Variants in GNAS-AS1 observed in about 807,000 individuals in gnomAD.
The protein encoded by GNAS-AS1 is GNAS antisense RNA 1 (non-protein coding).
Position 58,841,598 on chromosome 20 carries a change from G to T in GNAS-AS1, n.819+339C>A. On this transcript the variant is annotated intron_variant and non_coding_transcript_variant, in intron 4 of 4. Transcript: ENST00000424094. The surrounding 1 kb of genome is among the most constrained non-coding windows in gnomAD (Gnocchi z 5.0). ...CTCGCGGGACAGAGACCGCCTCAAA[G>T]AGCGTGCGCACCTGCCCGCGCGCGC... 1 of 1,025,444 alleles carries T rather than the reference G, an allele frequency of 9.8e-7. No homozygotes were observed. Among genetic ancestry groups the T allele is most frequent in the East Asian group, 8.3e-5 (1 of 12,086 alleles). The allele number at this position is 1,025,444 out of a possible 1,614,324, so 63.5% of individuals were successfully genotyped here. A position where few individuals can be genotyped will look rare whatever the true frequency, so the allele number is the denominator to read the frequency against.
intron 4 of GNAS-AS1, among the ~76,000 whole-genome samples, chr20:58,835,564 T>C (rs1010185569): frequency 6.6e-6 from 1 of 152,206 alleles, no homozygotes; most frequent in Non-Finnish European, 1.5e-5. Flanking sequence ...CAAGATGAAC[T>C]GTACCTCTGA....
chr20:58,824,074 C>T, intron 4 of GNAS-AS1: 1 of 398,662 alleles, frequency 2.5e-6, no homozygotes, highest in East Asian at 3.6e-5. Flanking sequence ...TCAACATATC[C>T]TAAAAGAACC....
intron 4 of GNAS-AS1, among the ~76,000 whole-genome samples, chr20:58,825,699 T>A (rs1256808265): frequency 6.6e-6 from 1 of 152,164 alleles, no homozygotes; most frequent in East Asian, 1.9e-4. Context: ...GGAATTTTTG[T>A]TCTAATTTCT....
chr20:58,824,680 C>T (rs1334243907), intron 4 of GNAS-AS1, among the ~76,000 whole-genome samples: 1 of 152,222 alleles, frequency 6.6e-6, no homozygotes, highest in Non-Finnish European at 1.5e-5. Flanking sequence ...GAATGTCCTT[C>T]TCCCACTCCT....
At chr20:58,822,600 C>G (rs1266754253) in intron 4 of GNAS-AS1, among the ~76,000 whole-genome samples, 1 of 152,178 alleles carries the variant, frequency 6.6e-6, no homozygotes, top group Non-Finnish European at 1.5e-5. Context: ...TGAGAGCAGG[C>G]CTGGAGAGCA....
chr20:58,830,275 C>A (rs2085548107), intron 4 of GNAS-AS1, among the ~76,000 whole-genome samples: 2 of 148,048 alleles, frequency 1.4e-5, no homozygotes, highest in Non-Finnish European at 3.0e-5. Context: ...ATCACCACCA[C>A]CGCCACACCA....
chr20:58,845,887 C>A (rs189268123), intron 2 of GNAS-AS1, among the ~76,000 whole-genome samples: 1 of 152,178 alleles, frequency 6.6e-6, no homozygotes, highest in Non-Finnish European at 1.5e-5. Flanking sequence ...CAACTATTCC[C>A]GGGTAGAAAT....
At chr20:58,826,012 C>T in intron 4 of GNAS-AS1, 1 of 398,614 alleles carries the variant, frequency 2.5e-6, no homozygotes, top group East Asian at 3.6e-5. Context: ...CCTGAGCTTG[C>T]TCTTTTGCTT....
chr20:58,841,613 C>T lies in GNAS-AS1; in HGVS notation n.819+324G>A. 1 of 1,045,070 alleles carries T rather than the reference C, an allele frequency of 9.6e-7. No individual in the cohort carries two copies. The highest frequency in any genetic ancestry group is 1.2e-6 in the Non-Finnish European group (1 of 869,066). The allele number at this position is 1,045,070 out of a possible 1,614,324, so 64.7% of individuals were successfully genotyped here. On this transcript the variant is annotated intron_variant and non_coding_transcript_variant, in intron 4 of 4. Transcript: ENST00000424094. The surrounding 1 kb of genome is among the most constrained non-coding windows in gnomAD (Gnocchi z 5.0). ...CCGCCTCAAAGAGCGTGCGCACCTG[C>T]CCGCGCGCGCCGGAGCTGACCTCTC...
At chr20:58,848,087 T>G (rs910464771) in intron 2 of GNAS-AS1, among the ~76,000 whole-genome samples, 1 of 152,254 alleles carries the variant, frequency 6.6e-6, no homozygotes, top group Non-Finnish European at 1.5e-5. Context: ...GTTTGCCACC[T>G]GTGGCACCTG....
chr20:58,845,225 T>C (rs2085900595), intron 2 of GNAS-AS1, among the ~76,000 whole-genome samples: 2 of 152,218 alleles, frequency 1.3e-5, no homozygotes, highest in South Asian at 2.1e-4. Flanking sequence ...TGAAAGTTTT[T>C]TGGTAACAGT....
At chr20:58,831,185 C>T (rs2085566645) in intron 4 of GNAS-AS1, among the ~76,000 whole-genome samples, 1 of 152,114 alleles carries the variant, frequency 6.6e-6, no homozygotes, top group Admixed American at 6.5e-5. Flanking sequence ...ACCCAAAGGA[C>T]ATCGAATTGG....
At chr20:58,820,011 G>A (rs1388512816) in intron 4 of GNAS-AS1, among the ~76,000 whole-genome samples, 4 of 152,236 alleles carry the variant, frequency 2.6e-5, no homozygotes, top group Admixed American at 6.5e-5. Context: ...CTCTGCGGCC[G>A]TGCCATCTAG....
At chr20:58,847,827 A>T (rs1261752851) in intron 2 of GNAS-AS1, among the ~76,000 whole-genome samples, 1 of 152,152 alleles carries the variant, frequency 6.6e-6, no homozygotes, top group Non-Finnish European at 1.5e-5. Context: ...ACAGGTAGCT[A>T]CCTAAACTTG....
At position 58,831,939 on chromosome 20, in the gene GNAS-AS1, G is replaced by A. The variant is rs554341228; in HGVS notation, n.819+9998C>T. On this transcript the variant is annotated intron_variant and non_coding_transcript_variant, in intron 4 of 4. Coordinates refer to ENST00000424094, the Ensembl canonical transcript of GNAS-AS1. ...TGAAAGCCCCACTACAACATCTTTC[G>A]TTTTCTCATTTCACTGTGGACTGGC... Among the ~76,000 whole-genome samples, 31 of 152,214 alleles carry A rather than the reference G, an allele frequency of 2.0e-4. No homozygotes were observed. In the South Asian group the frequency reaches 3.5e-3, roughly 17 times the overall value.
At chr20:58,831,706 TTC>T (rs2085569853) in intron 4 of GNAS-AS1, among the ~76,000 whole-genome samples, 1 of 152,222 alleles carries the variant, frequency 6.6e-6, no homozygotes, top group Non-Finnish European at 1.5e-5. Context: ...GTTTTATTCA[TTC>T]ATTCATTCAT....
intron 4 of GNAS-AS1, among the ~76,000 whole-genome samples, chr20:58,829,742 C>T (rs891084055): frequency 2.6e-5 from 4 of 152,142 alleles, no homozygotes; most frequent in African/African-American, 4.8e-5. Context: ...CCTGCCTTGC[C>T]CAAATATAGG....
At chr20:58,832,798 G>T (rs1204995844) in intron 4 of GNAS-AS1, among the ~76,000 whole-genome samples, 3 of 152,210 alleles carry the variant, frequency 2.0e-5, no homozygotes, top group African/African-American at 7.2e-5. Flanking sequence ...TTTACGAAGT[G>T]ACAAGATGAA....
intron 4 of GNAS-AS1, among the ~76,000 whole-genome samples, chr20:58,830,256 C>T (rs1420673007): frequency 8.3e-4 from 114 of 137,586 alleles, no homozygotes; most frequent in East Asian, 4.0e-3. Context: ...CCACCATCAA[C>T]GCCACACCAT....
Sources: gnomAD v4.1 joint callset for allele counts (sites outside exome capture counted in the v4.1 genomes callset) on GRCh38, gnomAD v4.1.1 for gene constraint, Gnocchi (gnomAD v3.1) non-coding constraint, MANE v1.5 for transcripts, NCBI Gene and HGNC (gene_info 2026-07-23, HGNC 2026-07-21) for gene names.